Variants in RPS6KA2 observed in about 807,000 individuals in gnomAD.
The protein encoded by RPS6KA2 is ribosomal protein S6 kinase A2, also known as ribosomal protein S6 kinase alpha-2.
RPS6KA2 carries 42 observed loss-of-function variants against 91.8 expected under a neutral mutation model. The ratio of observed to expected loss-of-function variants is 0.46; its 90% CI spans 0.36 to 0.59. The LOEUF is 0.59. Ranked by LOEUF, RPS6KA2 falls within the 20% of genes least tolerant of loss-of-function variation. RPS6KA2 has a pLI of 0.00. For missense variants in RPS6KA2, 798 were observed against 978.5 expected (o/e 0.82, Z 2.46); for synonymous variants, 414 against 393.6 (o/e 1.05, Z -0.61).
chr6:166,691,968 C>T (rs1789218947), intron 2 of RPS6KA2, among the ~76,000 whole-genome samples: 1 of 152,160 alleles, frequency 6.6e-6, no homozygotes, highest in East Asian at 1.9e-4. Context: ...GGCAGCTATT[C>T]CCCGTGTCCC....
At chr6:166,744,382 C>G (rs1343368133) in intron 2 of RPS6KA2, among the ~76,000 whole-genome samples, 2 of 152,150 alleles carry the variant, frequency 1.3e-5, no homozygotes, top group Non-Finnish European at 2.9e-5. Context: ...AGACGCGGCC[C>G]CGGGCCCGGG....
chr6:166,662,399 C>T lies in RPS6KA2; in HGVS notation c.124-123615G>A, dbSNP rs1334637542. ...TGGGTTGGCGCAGGAGGTATGAAAA[C>T]TTACTCCAAATTACAGACACTTTAG... On this transcript the variant is annotated intron_variant, in intron 2 of 21. Coordinates refer to the RPS6KA2 transcript ENST00000503859. The surrounding 1 kb of genome is among the most constrained non-coding windows in gnomAD (Gnocchi z 4.3). Among the ~76,000 whole-genome samples the T allele has an allele frequency of 6.6e-6, 1 of 152,182 alleles. No individual in the cohort carries two copies. Among genetic ancestry groups the T allele is most frequent in the African/African-American group, 2.4e-5 (1 of 41,426 alleles).
chr6:166,542,930 A>C (rs903575126), intron 1 of RPS6KA2, among the ~76,000 whole-genome samples: 1 of 152,234 alleles, frequency 6.6e-6, no homozygotes, highest in Non-Finnish European at 1.5e-5. Flanking sequence ...TTTCCAAAAA[A>C]GGAGAGAGGT....
chr6:166,836,591 T>C (rs112376597), intron 2 of RPS6KA2, among the ~76,000 whole-genome samples: 1,659 of 152,296 alleles, frequency 0.011, 30 homozygotes, highest in African/African-American at 0.038. Flanking sequence ...ATGTGACTTA[T>C]CTTCATCGCT....
intron 1 of RPS6KA2, among the ~76,000 whole-genome samples, chr6:166,544,900 T>G (rs3799632): frequency 0.094 from 14,360 of 152,234 alleles, 719 homozygotes; most frequent in East Asian, 0.15. Flanking sequence ...AAGTGAGCCA[T>G]TTAGTACAGC....
At chr6:166,850,001 G>A (rs989924291) in intron 2 of RPS6KA2, among the ~76,000 whole-genome samples, 1 of 152,112 alleles carries the variant, frequency 6.6e-6, no homozygotes, top group African/African-American at 2.4e-5. Context: ...CTATGCCCAC[G>A]GGGCCTCCGC....
intron 2 of RPS6KA2, among the ~76,000 whole-genome samples, chr6:166,756,126 TA>T (rs1433153182): frequency 1.7e-5 from 2 of 115,306 alleles, no homozygotes; most frequent in Admixed American, 1.5e-4. Context: ...CTGTCTCTAC[TA>T]AAAATACAAA....
chr6:166,515,856 T>G (rs867322146), intron 3 of RPS6KA2, among the ~76,000 whole-genome samples: 2 of 152,284 alleles, frequency 1.3e-5, no homozygotes, highest in Admixed American at 6.5e-5. Context: ...GCAGATCTGA[T>G]TGCCTCCTTT....
At position 166,855,365 on chromosome 6, in the gene RPS6KA2, TGAA is replaced by T. The variant is rs61474192; in HGVS notation, c.123+2832_123+2834del. Reference sequence around the variant, plus strand: ...AAGACGAAGAAGACAAAGATGAAGATGAAGAAGAAGGAAAAGAAGAAAAAGGAG... The same window carrying T: ...AAGACGAAGAAGACAAAGATGAAGATGAAGAAGGAAAAGAAGAAAAAGGAG... On this transcript the variant is annotated intron_variant, in intron 2 of 21. Coordinates refer to the RPS6KA2 transcript ENST00000503859. Among the ~76,000 whole-genome samples, 7 of 145,158 alleles carry T rather than the reference TGAA, an allele frequency of 4.8e-5. No individual in the cohort carries two copies. In the East Asian group the frequency reaches 1.4e-3, roughly 29 times the overall value.
Position 166,533,561 on chromosome 6 carries a change from G to A in RPS6KA2, c.217-2248C>T, listed in dbSNP as rs1186047734. Among the ~76,000 whole-genome samples, 2 of 152,238 alleles carry A rather than the reference G, an allele frequency of 1.3e-5. No homozygotes were observed. Among genetic ancestry groups the A allele is most frequent in the South Asian group, 4.1e-4 (2 of 4,832 alleles). Reference sequence around the variant, plus strand: ...GGTGTGCCTTCCTGGCCTAGGCAATGAAGAGCAGGTGCAAAACGTTCCAGC... The same window carrying A: ...GGTGTGCCTTCCTGGCCTAGGCAATAAAGAGCAGGTGCAAAACGTTCCAGC... On this transcript the variant is annotated intron_variant, in intron 2 of 20. Coordinates refer to ENST00000265678, the MANE Select transcript of RPS6KA2 (RefSeq NM_021135.6). This position sits in a 1 kb window ranked among gnomAD's most constrained non-coding sequence, Gnocchi z 4.0.
rs113219018 is a variant in RPS6KA2, at chr6:166,789,003, C to G, written c.123+69197G>C. Among the ~76,000 whole-genome samples, 584 of 152,292 alleles carry G rather than the reference C, an allele frequency of 3.8e-3. 5 individuals carry two copies. Among genetic ancestry groups the G allele is most frequent in the African/African-American group, 0.014 (565 of 41,552 alleles). On this transcript the variant is annotated intron_variant, in intron 2 of 21. Coordinates refer to the RPS6KA2 transcript ENST00000503859. ...GTTCATCTCACTAGGGAGTGCCAGA[C>G]AGCGGGCACAGGACAGCGGGTGCAG...
chr6:166,507,761 T>C (rs1782293804), intron 5 of RPS6KA2, among the ~76,000 whole-genome samples: 1 of 144,348 alleles, frequency 6.9e-6, no homozygotes, highest in Admixed American at 6.9e-5. Flanking sequence ...ACGCCTGACA[T>C]ATACACACAG....
At chr6:166,640,168 A>G (rs1787381100) in intron 2 of RPS6KA2, among the ~76,000 whole-genome samples, 1 of 152,188 alleles carries the variant, frequency 6.6e-6, no homozygotes, top group Non-Finnish European at 1.5e-5. Context: ...GTCAGCAGGA[A>G]AGAGGAAACA....
At chr6:166,568,862 C>T (rs998817839) in intron 1 of RPS6KA2, among the ~76,000 whole-genome samples, 13 of 152,168 alleles carry the variant, frequency 8.5e-5, no homozygotes, top group Middle Eastern at 3.4e-3. Flanking sequence ...ATCACAAGTG[C>T]GTTTTGTGCA....
rs989893398 is a variant in RPS6KA2 at position 166,849,829 on chromosome 6, T to C, written c.123+8371A>G. On this transcript the variant is annotated intron_variant, in intron 2 of 21. Transcript: ENST00000503859. This position sits in a 1 kb window ranked among gnomAD's most constrained non-coding sequence, Gnocchi z 4.9. ...TCGCCTTCGCTTTCTTTGGAAATGG[T>C]TTTATAGGGTTTGCTCCATCTGTTC... is the stretch of plus-strand genomic sequence containing the variant. Among the ~76,000 whole-genome samples, 1 of 152,092 alleles carries C rather than the reference T, an allele frequency of 6.6e-6. No individual in the cohort carries two copies. The highest frequency in any genetic ancestry group is 1.5e-5 in the Non-Finnish European group (1 of 68,014).
chr6:166,419,379 G>A lies in RPS6KA2; in HGVS notation c.1820+503C>T, dbSNP rs144115648. Among the ~76,000 whole-genome samples the A allele has an allele frequency of 5.6e-3, 855 of 152,286 alleles. 8 individuals carry two copies. Among genetic ancestry groups the A allele is most frequent in the African/African-American group, 0.02 (815 of 41,552 alleles). On this transcript the variant is annotated intron_variant, in intron 18 of 20. Transcript: ENST00000265678. This position sits in a 1 kb window ranked among gnomAD's most constrained non-coding sequence, Gnocchi z 5.6. ...TTAGCCCAGAGTCACGGCTAGTGGC[G>A]AGTGGGGCTCAGATGGAAGTCAGCT...
rs1379882083 is a variant in RPS6KA2 at position 166,648,195 on chromosome 6, CAT to C, written c.124-109413_124-109412del. On this transcript the variant is annotated intron_variant, in intron 2 of 21. Transcript: ENST00000503859. This position sits in a 1 kb window ranked among gnomAD's most constrained non-coding sequence, Gnocchi z 4.8. Reference sequence around the variant, plus strand: ...ATGCTCACACACATGCACACATGCTCATACACACACTCATGCACACACACGCA... The same window carrying C: ...ATGCTCACACACATGCACACATGCTCACACACACTCATGCACACACACGCA... Among the ~76,000 whole-genome samples, 2 of 73,094 alleles carry C rather than the reference CAT, an allele frequency of 2.7e-5. No individual in the cohort carries two copies. The highest frequency in any genetic ancestry group is 5.5e-5 in the Non-Finnish European group (2 of 36,038). The allele number at this position is 73,094 out of a possible 152,430, so 48.0% of individuals were successfully genotyped here. A position where few individuals can be genotyped will look rare whatever the true frequency, so the allele number is the denominator to read the frequency against.
chr6:166,626,482 G>T lies in RPS6KA2; in HGVS notation c.99+439C>A, dbSNP rs1259745584. ...AGATAAGGTGGAACCTGCCGGCCGG[G>T]CACGGCAGACAGCACCTGATCAGCG... On this transcript the variant is annotated intron_variant, in intron 1 of 20. Coordinates refer to ENST00000265678, the MANE Select transcript of RPS6KA2 (RefSeq NM_021135.6). The surrounding 1 kb of genome is among the most constrained non-coding windows in gnomAD (Gnocchi z 4.1). 6.6e-6 allele frequency among the ~76,000 whole-genome samples: 1 copy of T among 152,258 alleles called. No homozygotes were observed. Among genetic ancestry groups the T allele is most frequent in the Non-Finnish European group, 1.5e-5 (1 of 68,054 alleles).
intron 1 of RPS6KA2, among the ~76,000 whole-genome samples, chr6:166,573,609 A>G (rs1469218817): frequency 6.6e-6 from 1 of 152,188 alleles, no homozygotes; most frequent in Non-Finnish European, 1.5e-5. Context: ...GCAAAGCCCC[A>G]TGGGTTTTGT....
Sources: allele counts gnomAD v4.1 joint callset (sites outside exome capture counted in the v4.1 genomes callset), GRCh38; gene constraint gnomAD v4.1.1; non-coding constraint Gnocchi (gnomAD v3.1); transcripts MANE v1.5; gene names NCBI Gene and HGNC (gene_info 2026-07-23, HGNC 2026-07-21).